CMSS1: variants seen among roughly 807,000 people sequenced by gnomAD.
The protein encoded by CMSS1 is cms1 ribosomal small subunit homolog, also known as protein CMSS1.
A neutral mutation model predicts 43.5 loss-of-function variants in CMSS1; 33 were observed. The observed-to-expected ratio is 0.76, with a 90% CI of 0.57 to 1.01. The LOEUF (loss-of-function observed/expected upper bound fraction) is 1.01. Ranked by LOEUF, CMSS1 falls within the 50% of genes least tolerant of loss-of-function variation. The pLI, the probability that CMSS1 is intolerant of heterozygous loss-of-function variation, is 0.00. For synonymous variants in CMSS1, 115 were observed against 117.2 expected (o/e 0.98, Z 0.12); for missense variants, 313 against 326.4 (o/e 0.96, Z 0.32).
chr3:100,101,179 T>C (rs999783841), intron 1 of CMSS1, among the ~76,000 whole-genome samples: 1 of 152,196 alleles, frequency 6.6e-6, no homozygotes, highest in Non-Finnish European at 1.5e-5. Context: ...AGTTACTTTC[T>C]GAGACAGCGT....
Position 99,831,888 on chromosome 3 carries a change from G to A in CMSS1, c.64+13845G>A, listed in dbSNP as rs143452821. 2.6e-5 allele frequency among the ~76,000 whole-genome samples: 4 copies of A among 152,316 alleles called. No individual in the cohort carries two copies. The East Asian group carries it at 7.7e-4, about 29-fold the overall frequency. ...ATAATTGAACTTCCTTTAGATGTAAGCTTTATTTTTTCTTCACCTGGAACT... is the reference window on the plus strand; with the variant it reads ...ATAATTGAACTTCCTTTAGATGTAAACTTTATTTTTTCTTCACCTGGAACT... On this transcript the variant is annotated intron_variant, in intron 1 of 9. Coordinates refer to ENST00000421999, the MANE Select transcript of CMSS1 (RefSeq NM_032359.4).
chr3:99,948,317 A>T (rs950364730), intron 1 of CMSS1, among the ~76,000 whole-genome samples: 8 of 152,064 alleles, frequency 5.3e-5, no homozygotes, highest in African/African-American at 1.7e-4. Flanking sequence ...ACATAGTGAG[A>T]CTGTCTCTCC....
intron 1 of CMSS1, among the ~76,000 whole-genome samples, chr3:100,010,857 G>A (rs1160795579): frequency 1.4e-5 from 2 of 139,646 alleles, no homozygotes; most frequent in Non-Finnish European, 3.0e-5. Context: ...TCGAACTCCT[G>A]ACCTCATGAT....
At chr3:99,844,355 A>T (rs929715504) in intron 1 of CMSS1, among the ~76,000 whole-genome samples, 1 of 152,172 alleles carries the variant, frequency 6.6e-6, no homozygotes, top group Non-Finnish European at 1.5e-5. Context: ...GCTGATCTAT[A>T]AGAGTTTTGG....
rs141627080 is a variant in CMSS1, at chr3:99,904,021, G to A, written c.64+85978G>A. 7.2e-3 allele frequency among the ~76,000 whole-genome samples: 1,103 copies of A among 152,294 alleles called. 19 individuals are homozygous for A. The highest frequency in any genetic ancestry group is 0.024 in the African/African-American group (1,017 of 41,570). Reference sequence around the variant, plus strand: ...CCAGGAAGAGTAACTGTTGAGATATGCATCTTGTTTTTCTAAGCAAACACT... The same window carrying A: ...CCAGGAAGAGTAACTGTTGAGATATACATCTTGTTTTTCTAAGCAAACACT... On this transcript the variant is annotated intron_variant, in intron 1 of 9. Coordinates refer to ENST00000421999, the MANE Select transcript of CMSS1 (RefSeq NM_032359.4).
intron 1 of CMSS1, among the ~76,000 whole-genome samples, chr3:99,965,133 A>G (rs914980149): frequency 2.6e-5 from 4 of 152,238 alleles, no homozygotes; most frequent in Non-Finnish European, 5.9e-5. Context: ...ATGTTTTCTG[A>G]AGCAATGTTA....
intron 1 of CMSS1, among the ~76,000 whole-genome samples, chr3:99,961,304 T>G (rs1576602973): frequency 6.6e-6 from 1 of 152,322 alleles, no homozygotes; most frequent in East Asian, 1.9e-4. Flanking sequence ...TTTGTTTTGT[T>G]TGAAATCCTC....
In CMSS1 at chr3:99,891,570, G is replaced by GT. The variant is rs200616361; in HGVS notation, c.64+73535dup. Reference sequence around the variant, plus strand: ...TTTTAATATGTGTTGGATTTTTTGGGTTTTTTTTGTTTGTTTTGTTTTGTT... The same window carrying GT: ...TTTTAATATGTGTTGGATTTTTTGGGTTTTTTTTTGTTTGTTTTGTTTTGTT... On this transcript the variant is annotated intron_variant, in intron 1 of 9. Coordinates refer to ENST00000421999, the MANE Select transcript of CMSS1 (RefSeq NM_032359.4). Among the ~76,000 whole-genome samples the GT allele has an allele frequency of 6.6e-3, 1,003 of 151,480 alleles. 14 individuals carry two copies. Among genetic ancestry groups the GT allele is most frequent in the African/African-American group, 0.017 (681 of 41,270 alleles).
chr3:100,091,060 C>T (rs2066096264), intron 1 of CMSS1, among the ~76,000 whole-genome samples: 1 of 152,012 alleles, frequency 6.6e-6, no homozygotes, highest in Non-Finnish European at 1.5e-5. Flanking sequence ...CCGAGGTGGG[C>T]GGATCACGAG....
At chr3:100,077,846 T>G (rs1418096777) in intron 1 of CMSS1, among the ~76,000 whole-genome samples, 1 of 152,060 alleles carries the variant, frequency 6.6e-6, no homozygotes, top group African/African-American at 2.4e-5. Flanking sequence ...AGGTAGAGGC[T>G]ATAGTAAGCT....
chr3:99,861,288 C>T (rs1035787583), intron 1 of CMSS1, among the ~76,000 whole-genome samples: 2 of 152,230 alleles, frequency 1.3e-5, no homozygotes, highest in African/African-American at 4.8e-5. Context: ...TCCTCCAAAG[C>T]CTACCTGGGC....
At chr3:99,983,188 T>G (rs1709178313) in intron 1 of CMSS1, among the ~76,000 whole-genome samples, 1 of 151,626 alleles carries the variant, frequency 6.6e-6, no homozygotes, top group East Asian at 1.9e-4. Context: ...GTTATCTAAC[T>G]TCTTTGAATT....
chr3:100,076,520 G>T (rs531068833), intron 1 of CMSS1, among the ~76,000 whole-genome samples: 77 of 152,120 alleles, frequency 5.1e-4, no homozygotes, highest in Non-Finnish European at 1.0e-3. Flanking sequence ...CTAATCTGTG[G>T]GTTACAGTAT....
intron 1 of CMSS1, among the ~76,000 whole-genome samples, chr3:99,993,258 ATT>A (rs1709575692): frequency 2.0e-5 from 3 of 152,072 alleles, no homozygotes; most frequent in Admixed American, 1.3e-4. Flanking sequence ...TTTTAATAAT[ATT>A]GATTCTTCAA....
At chr3:100,162,565 TG>T in intron 4 of CMSS1, 133 bp downstream of exon 4, 1 of 923,152 alleles carries the variant, frequency 1.1e-6, no homozygotes, top group Non-Finnish European at 1.6e-6. Flanking sequence ...CCCAGCACTT[TG>T]GGAGACTGAG....
At chr3:100,163,904 C>T (rs1188813433) in intron 4 of CMSS1, among the ~76,000 whole-genome samples, 2 of 151,354 alleles carry the variant, frequency 1.3e-5, no homozygotes, top group African/African-American at 4.8e-5. Flanking sequence ...TTCCGTTTTC[C>T]ATTACAACTT....
chr3:100,093,029 G>A (rs186501323), intron 1 of CMSS1, among the ~76,000 whole-genome samples: 33 of 152,086 alleles, frequency 2.2e-4, no homozygotes, highest in African/African-American at 6.5e-4. Context: ...TCATAAATAC[G>A]TTGAAGGAGT....
chr3:99,900,224 A>G (rs1380741791), intron 1 of CMSS1, among the ~76,000 whole-genome samples: 4 of 152,038 alleles, frequency 2.6e-5, no homozygotes, highest in Non-Finnish European at 5.9e-5. Context: ...AAACCACTCA[A>G]CCTCCTTGAG....
chr3:99,868,211 C>A (rs1406752555), intron 1 of CMSS1, among the ~76,000 whole-genome samples: 1 of 152,150 alleles, frequency 6.6e-6, no homozygotes, highest in Non-Finnish European at 1.5e-5. Context: ...TAGGAAAGTT[C>A]TTGTGGGTTT....
Sources: allele counts gnomAD v4.1 joint callset (sites outside exome capture counted in the v4.1 genomes callset), GRCh38; gene constraint gnomAD v4.1.1; transcripts MANE v1.5; gene names NCBI Gene and HGNC (gene_info 2026-07-23, HGNC 2026-07-21).